Variants in DDX10 observed in about 807,000 individuals in gnomAD.
DDX10 encodes the protein probable ATP-dependent RNA helicase DDX10.
Under a neutral mutation model 104.3 loss-of-function variants are expected in DDX10, and 74 were observed. The observed-to-expected ratio is 0.71, with a 90% CI of 0.59 to 0.86. The LOEUF (loss-of-function observed/expected upper bound fraction) is 0.86. Among genes scored for constraint, DDX10 ranks in the 40% least tolerant of loss-of-function variants. The pLI is 0.00. For synonymous variants in DDX10, 351 were observed against 353.4 expected, an observed-to-expected ratio of 0.99 and a Z score of 0.08; for missense variants, 952 against 1,040.0, an observed-to-expected ratio of 0.92 and a Z score of 1.16.
intron 7 of DDX10, 59 bp from the exon 8 acceptor site, chr11:108,691,817 G>C: frequency 2.6e-6 from 4 of 1,509,940 alleles, no homozygotes; most frequent in Non-Finnish European, 3.6e-6. Context: ...GTTGATAAGA[G>C]AAAAGCTTTA....
At chr11:108,689,180 T>C (rs2094248677) in intron 7 of DDX10, 118 bp downstream of exon 7, 20 of 1,037,224 alleles carry the variant, frequency 1.9e-5, no homozygotes, top group Non-Finnish European at 2.8e-5. Context: ...TGGTGAGGGA[T>C]CTTTCGTGTC....
At chr11:108,718,568 A>G (rs1469958218) in intron 11 of DDX10, among the ~76,000 whole-genome samples, 6 of 152,226 alleles carry the variant, frequency 3.9e-5, no homozygotes, top group Non-Finnish European at 7.3e-5. Flanking sequence ...ATCTATCAGA[A>G]AATATGAAAC....
chr11:108,853,443 C>G (rs903778694), intron 16 of DDX10, among the ~76,000 whole-genome samples: 2 of 152,004 alleles, frequency 1.3e-5, no homozygotes, highest in African/African-American at 4.8e-5. Flanking sequence ...AAAGAAAGCC[C>G]TGTTACTGTA....
At chr11:108,856,488 C>CA (rs71050894) in intron 16 of DDX10, among the ~76,000 whole-genome samples, 4,781 of 149,304 alleles carry the variant, frequency 0.032, 100 homozygotes, top group Middle Eastern at 0.076. Flanking sequence ...AAAAACAAAA[C>CA]AAAAAAAAAA....
chr11:108,779,586 T>C (rs192970523), intron 13 of DDX10, among the ~76,000 whole-genome samples: 23 of 152,196 alleles, frequency 1.5e-4, no homozygotes, highest in Admixed American at 1.4e-3. Context: ...CTAATGTAAA[T>C]GCAGCACACC....
chr11:108,933,543 C>T (rs1864000874), intron 17 of DDX10, among the ~76,000 whole-genome samples: 1 of 152,186 alleles, frequency 6.6e-6, no homozygotes, highest in Non-Finnish European at 1.5e-5. Context: ...ATTGAAGTGA[C>T]ATGCCGAGTT....
chr11:108,895,132 C>T (rs981469366), intron 16 of DDX10, among the ~76,000 whole-genome samples: 2 of 152,014 alleles, frequency 1.3e-5, no homozygotes, highest in Non-Finnish European at 2.9e-5. Context: ...TTAACAAAAG[C>T]GCATACTAGG....
chr11:108,717,592 G>A (rs1272713006), intron 11 of DDX10, among the ~76,000 whole-genome samples: 2 of 152,152 alleles, frequency 1.3e-5, no homozygotes, highest in Non-Finnish European at 2.9e-5. Flanking sequence ...TATTACAAGC[G>A]TGAACCACCA....
At chr11:108,716,796 G>A (rs1476990652) in intron 11 of DDX10, among the ~76,000 whole-genome samples, 1 of 152,078 alleles carries the variant, frequency 6.6e-6, no homozygotes, top group Non-Finnish European at 1.5e-5. Context: ...TTTCTTAATT[G>A]ATAAATTATA....
At chr11:108,697,078 TC>T (rs1185124914) in intron 9 of DDX10, among the ~76,000 whole-genome samples, 2 of 152,130 alleles carry the variant, frequency 1.3e-5, no homozygotes, top group Admixed American at 6.5e-5. Context: ...AGAATACTAA[TC>T]TGAAAAAAAT....
In DDX10 at chr11:108,940,434, C is replaced by T. The variant is rs537320342; in HGVS notation, c.*11C>T. 22 of 1,609,318 alleles carry T rather than the reference C, an allele frequency of 1.4e-5. No individual in the cohort carries two copies. The highest frequency in any genetic ancestry group is 2.2e-5 in the East Asian group (1 of 44,746). On this transcript the variant is annotated 3_prime_UTR_variant, in exon 18 of 18. Coordinates refer to ENST00000322536, the MANE Select transcript of DDX10 (RefSeq NM_004398.4). ...AGAAGTCAAAGCTAAATACTTCCTG[C>T]GCCTGCCTTCTCCTTGAAACCTTGG...
Position 108,930,729 on chromosome 11 carries a change from G to A in DDX10, c.2451-9517G>A, listed in dbSNP as rs190288302. ...TAGTTTAAAGAAAGCTGTTTTTAAC[G>A]TTTAAAATACAGTAGACTGTGATAA... On this transcript the variant is annotated intron_variant, in intron 17 of 17. Transcript: ENST00000322536. Among the ~76,000 whole-genome samples the A allele has an allele frequency of 1.8e-4, 28 of 152,134 alleles. No individual in the cohort carries two copies. The East Asian group carries it at 5.2e-3, about 28-fold the overall frequency.
intron 13 of DDX10, among the ~76,000 whole-genome samples, chr11:108,835,209 C>CA (rs1416491521): frequency 6.6e-6 from 1 of 152,130 alleles, no homozygotes; most frequent in Non-Finnish European, 1.5e-5. Context: ...ACAGCTTACT[C>CA]AGTTACTCTC....
chr11:108,763,925 C>T (rs2094353598), intron 13 of DDX10, among the ~76,000 whole-genome samples: 2 of 152,170 alleles, frequency 1.3e-5, no homozygotes, highest in African/African-American at 4.8e-5. Flanking sequence ...AAATTACTTA[C>T]AGAAAATACA....
chr11:108,878,141 G>A (rs1193442696), intron 16 of DDX10, among the ~76,000 whole-genome samples: 2 of 152,064 alleles, frequency 1.3e-5, no homozygotes, highest in Non-Finnish European at 2.9e-5. Flanking sequence ...TAGGCATATT[G>A]GATTTATATA....
chr11:108,909,418 C>T (rs1863638817), intron 16 of DDX10, among the ~76,000 whole-genome samples: 1 of 106,108 alleles, frequency 9.4e-6, no homozygotes, highest in East Asian at 3.4e-4. Flanking sequence ...TTGTCCTGTG[C>T]CCCACTCCCG....
Position 108,691,856 on chromosome 11 carries a change from T to C in DDX10, c.976-20T>C, listed in dbSNP as rs2094253039. On this transcript the variant is annotated intron_variant, in intron 7 of 17. Coordinates refer to ENST00000322536, the MANE Select transcript of DDX10 (RefSeq NM_004398.4). ...CTGCCATCTGCCATAAGCAAACTTA[T>C]TCTTCTGTTGATGCCCCAGGTCCAG... The C allele has an allele frequency of 1.2e-6, 2 of 1,606,666 alleles. No individual in the cohort carries two copies. Among genetic ancestry groups the C allele is most frequent in the Non-Finnish European group, 1.7e-6 (2 of 1,176,400 alleles).
intron 16 of DDX10, among the ~76,000 whole-genome samples, chr11:108,889,892 A>G (rs190250670): frequency 2.6e-4 from 40 of 152,356 alleles, no homozygotes; most frequent in Admixed American, 5.2e-4. Context: ...AGAAAATGCA[A>G]TGCAACATAC....
At position 108,723,225 on chromosome 11, in the gene DDX10, T is replaced by A; in HGVS notation, c.1728T>A (p.Asp576Glu). 1 of 1,613,670 alleles carries A rather than the reference T, an allele frequency of 6.2e-7. No homozygotes were observed. Among genetic ancestry groups the A allele is most frequent in the Admixed American group, 1.7e-5 (1 of 59,938 alleles). ...LEGTEHRQDN[D>E]TGNEEQEEEE... The stretch of plus-strand genomic sequence containing the variant: ...GGACAGAGCACAGACAGGATAATGA[T>A]ACTGGTAATGAAGAACAGGAAGAAG... The change falls in exon 13 of 18, where the codon GAT becomes GAA. Residue 576 changes from aspartate to glutamate, a missense_variant. Around this residue, in one of 3 missense-constraint regions of DDX10, gnomAD observed 533 missense variants for 534.1 expected, o/e 1.00. Transcript: ENST00000322536.
Sources: gnomAD v4.1 joint callset for allele counts (sites outside exome capture counted in the v4.1 genomes callset) on GRCh38, gnomAD v4.1.1 for gene constraint, gnomAD v4.1.1 regional missense constraint, MANE v1.5 for transcripts, NCBI Gene and HGNC (gene_info 2026-07-23, HGNC 2026-07-21) for gene names.